The following PCDHA1 variants were observed in gnomAD, a reference collection of about 807,000 sequenced individuals.
The protein encoded by PCDHA1 is protocadherin alpha 1, also known as protocadherin alpha-1.
Under a neutral mutation model 61.3 loss-of-function variants are expected in PCDHA1, and 42 were observed. That is an observed-to-expected ratio of 0.69 (90% CI 0.54 to 0.89). PCDHA1 has a LOEUF of 0.89. Ranked by LOEUF, PCDHA1 falls within the 40% of genes least tolerant of loss-of-function variation. The pLI, the probability that PCDHA1 is intolerant of heterozygous loss-of-function variation, is 0.00. For synonymous variants in PCDHA1, 610 were observed against 553.8 expected, an observed-to-expected ratio of 1.10 and a Z score of -1.43; for missense variants, 1,256 against 1,235.3, an observed-to-expected ratio of 1.02 and a Z score of -0.25.
chr5:140,955,976 G>A (rs2095244273), intron 1 of PCDHA1, among the ~76,000 whole-genome samples: 1 of 152,180 alleles, frequency 6.6e-6, no homozygotes, highest in South Asian at 2.1e-4. Flanking sequence ...AGGAATGCTA[G>A]CAATTTTTGC....
rs781935896 is a variant in PCDHA1, at chr5:140,796,767, A to G, written c.2394+8083A>G. 3.7e-6 allele frequency: 6 copies of G among 1,614,142 alleles called. No individual in the cohort carries two copies. In the South Asian group the frequency reaches 4.4e-5, roughly 12 times the overall value. ...AGGTGCGCGCAGTGGACGCTGACTC[A>G]GGCTACAACGCGTGGCTTTCGTACG... On this transcript the variant is annotated intron_variant, in intron 1 of 3. Transcript: ENST00000504120.
chr5:141,004,982 A>G (rs1445212778), intron 3 of PCDHA1, among the ~76,000 whole-genome samples: 2 of 152,234 alleles, frequency 1.3e-5, no homozygotes, highest in African/African-American at 2.4e-5. Flanking sequence ...TTGCAGTATC[A>G]TTATCTTGGT....
chr5:140,803,919 GT>G (rs1376004851), intron 1 of PCDHA1: 4 of 488,620 alleles, frequency 8.2e-6, no homozygotes, highest in African/African-American at 2.0e-5. Flanking sequence ...ACTTCGACTT[GT>G]TTTATACTTA....
chr5:140,886,689 G>C (rs1267444522), intron 1 of PCDHA1, among the ~76,000 whole-genome samples: 5 of 152,022 alleles, frequency 3.3e-5, no homozygotes, highest in African/African-American at 1.2e-4. Flanking sequence ...AGCGAGGCAT[G>C]GTGGCACGCG....
intron 1 of PCDHA1, chr5:140,856,717 A>T: frequency 6.3e-7 from 1 of 1,596,480 alleles, no homozygotes; most frequent in Non-Finnish European, 8.6e-7. Flanking sequence ...AATTTACCGG[A>T]TCTGTTTCTC....
intron 1 of PCDHA1, chr5:140,830,636 T>G (rs2150188320): frequency 2.0e-6 from 1 of 504,942 alleles, no homozygotes; most frequent in Non-Finnish European, 3.1e-6. Flanking sequence ...TTTTAATCTC[T>G]TTGCTTCTTT....
At chr5:140,932,192 T>C (rs1359260162) in intron 1 of PCDHA1, among the ~76,000 whole-genome samples, 4 of 151,968 alleles carry the variant, frequency 2.6e-5, no homozygotes, top group African/African-American at 9.6e-5. Context: ...GTCCATTTTT[T>C]TCTGTTAATA....
chr5:140,884,395 C>A, intron 1 of PCDHA1: 1 of 1,614,000 alleles, frequency 6.2e-7, no homozygotes, highest in Non-Finnish European at 8.5e-7. Flanking sequence ...CGGTGTCCAG[C>A]CTGTTGGTGC....
chr5:140,903,279 A>C (rs940299316), intron 1 of PCDHA1, among the ~76,000 whole-genome samples: 1 of 152,170 alleles, frequency 6.6e-6, no homozygotes, highest in East Asian at 1.9e-4. Flanking sequence ...GTAGTGTCTC[A>C]TTGTGCATTA....
chr5:140,851,390 C>T (rs1410826615), intron 1 of PCDHA1: 3 of 973,626 alleles, frequency 3.1e-6, no homozygotes, highest in East Asian at 2.2e-4. Flanking sequence ...CCTTCAGTAT[C>T]TATTATTTTA....
intron 1 of PCDHA1, among the ~76,000 whole-genome samples, chr5:140,943,997 T>C (rs1387803558): frequency 2.0e-5 from 3 of 152,178 alleles, no homozygotes; most frequent in African/African-American, 7.2e-5. Flanking sequence ...ACAGAACTAC[T>C]GAGTACCCCC....
intron 1 of PCDHA1, among the ~76,000 whole-genome samples, chr5:140,892,769 T>C (rs1182235195): frequency 6.6e-6 from 1 of 152,210 alleles, no homozygotes; most frequent in Non-Finnish European, 1.5e-5. Context: ...TCCACTCTTC[T>C]AGCTTCTTGA....
At chr5:140,882,823 T>C (rs2059326985) in intron 1 of PCDHA1, 1 of 1,614,160 alleles carries the variant, frequency 6.2e-7, no homozygotes, top group Non-Finnish European at 8.5e-7. Flanking sequence ...CACAAAACAG[T>C]CTTGAGCAAA....
At chr5:140,949,584 A>T (rs1313706016) in intron 1 of PCDHA1, among the ~76,000 whole-genome samples, 5 of 151,722 alleles carry the variant, frequency 3.3e-5, no homozygotes, top group Admixed American at 6.6e-5. Context: ...CTTTTGTGTG[A>T]TATTAATGTG....
chr5:140,803,289 G>C (rs781851356), intron 1 of PCDHA1: 2 of 1,614,088 alleles, frequency 1.2e-6, no homozygotes, highest in Non-Finnish European at 1.7e-6. Flanking sequence ...GGATGTCAAC[G>C]TGTACTTGAT....
chr5:140,884,489 T>G, intron 1 of PCDHA1: 1 of 1,613,936 alleles, frequency 6.2e-7, no homozygotes, highest in East Asian at 2.2e-5. Flanking sequence ...CACTCTAGTG[T>G]GCTCCAGCGC....
chr5:141,009,595 C>G (rs781807814), intron 3 of PCDHA1, 32 bp from the exon 4 acceptor site: 1 of 1,604,124 alleles, frequency 6.2e-7, no homozygotes, highest in Non-Finnish European at 8.5e-7. Flanking sequence ...TGTGTTGACC[C>G]TGTTAATGAT....
At chr5:140,882,488 C>T in intron 1 of PCDHA1, 6 of 1,614,074 alleles carry the variant, frequency 3.7e-6, no homozygotes, top group South Asian at 1.1e-5. Context: ...ACACGGGGAC[C>T]TTCTGGAGGT....
At chr5:140,870,977 T>C in intron 1 of PCDHA1, 2 of 1,613,584 alleles carry the variant, frequency 1.2e-6, no homozygotes. Context: ...CGCGTGGGGC[T>C]GTACACGGGC....
Sources: gnomAD v4.1 joint callset for allele counts (sites outside exome capture counted in the v4.1 genomes callset) on GRCh38, gnomAD v4.1.1 for gene constraint, MANE v1.5 for transcripts, NCBI Gene and HGNC (gene_info 2026-07-23, HGNC 2026-07-21) for gene names.